FAM193A: variants seen among roughly 807,000 people sequenced by gnomAD.
FAM193A encodes the protein protein FAM193A.
A neutral mutation model predicts 126.5 loss-of-function variants in FAM193A; 22 were observed. The ratio of observed to expected loss-of-function variants is 0.17; its 90% CI spans 0.12 to 0.25. The LOEUF (loss-of-function observed/expected upper bound fraction) is 0.25, where lower values mean the gene tolerates loss of function less well. FAM193A is among the 10% of genes least tolerant of loss of function. FAM193A has a pLI of 1.00. For synonymous variants in FAM193A, 761 were observed against 646.8 expected, an observed-to-expected ratio of 1.18 and a Z score of -2.68; for missense variants, 1,675 against 1,672.8, an observed-to-expected ratio of 1.00 and a Z score of -0.02.
At chr4:2,616,998 G>T (rs1409887707) in intron 2 of FAM193A, among the ~76,000 whole-genome samples, 1 of 145,848 alleles carries the variant, frequency 6.9e-6, no homozygotes, top group Non-Finnish European at 1.5e-5. Flanking sequence ...AAGAAACCCC[G>T]TCTCTACTAA....
chr4:2,682,184 C>G (rs147771840), intron 13 of FAM193A, among the ~76,000 whole-genome samples: 3,950 of 151,980 alleles, frequency 0.026, 184 homozygotes, highest in African/African-American at 0.09. Flanking sequence ...CAGGGTTTCA[C>G]CATGTTAGCC....
intron 1 of FAM193A, among the ~76,000 whole-genome samples, chr4:2,572,328 CAA>C (rs374521496): frequency 8.8e-5 from 11 of 124,986 alleles, no homozygotes; most frequent in Non-Finnish European, 1.0e-4. Context: ...GACTTCATCT[CAA>C]AAAAAAAAAA....
At chr4:2,560,980 G>GATA (rs1738576705) in intron 1 of FAM193A, among the ~76,000 whole-genome samples, 1 of 152,066 alleles carries the variant, frequency 6.6e-6, no homozygotes, top group South Asian at 2.1e-4. Flanking sequence ...ACATGACTGT[G>GATA]ATATCCACCT....
intron 19 of FAM193A, among the ~76,000 whole-genome samples, chr4:2,711,780 A>T (rs1199849008): frequency 6.6e-6 from 1 of 151,998 alleles, no homozygotes; most frequent in Non-Finnish European, 1.5e-5. Context: ...TACAAAAATT[A>T]GCTGGACGTG....
chr4:2,720,002 C>A, intron 20 of FAM193A: 1 of 240,038 alleles, frequency 4.2e-6, no homozygotes, highest in Non-Finnish European at 8.9e-6. Flanking sequence ...GCCACATTGC[C>A]CAGGCTGGTC....
At position 2,537,932 on chromosome 4, in the gene FAM193A, C is replaced by T. The variant is rs949911535; in HGVS notation, c.255+762C>T. On this transcript the variant is annotated intron_variant, in intron 1 of 20. Transcript: ENST00000637812. Reference sequence around the variant, plus strand: ...ATGAAGACAGCTAGCACACATTGCACCTACCAATTATGGATTCCTGCCACT... The same window carrying T: ...ATGAAGACAGCTAGCACACATTGCATCTACCAATTATGGATTCCTGCCACT... Among the ~76,000 whole-genome samples the T allele has an allele frequency of 3.9e-5, 6 of 152,158 alleles. 1 individual carries two copies. The highest frequency in any genetic ancestry group is 2.0e-4 in the Admixed American group (3 of 15,264).
chr4:2,553,380 T>G (rs1560438287), intron 1 of FAM193A, among the ~76,000 whole-genome samples: 2 of 116,172 alleles, frequency 1.7e-5, no homozygotes, highest in African/African-American at 7.1e-5. Flanking sequence ...TCCCTTCTTT[T>G]TGTTTTTTTT....
intron 2 of FAM193A, chr4:2,608,152 A>G: frequency 6.3e-7 from 1 of 1,587,792 alleles, no homozygotes; most frequent in East Asian, 2.2e-5. Context: ...TGAAAATAAA[A>G]AAATAAAAAT....
At chr4:2,581,550 A>C (rs1196898240) in intron 1 of FAM193A, among the ~76,000 whole-genome samples, 1 of 149,982 alleles carries the variant, frequency 6.7e-6, no homozygotes, top group Non-Finnish European at 1.5e-5. Flanking sequence ...CACCATGCCC[A>C]GCTTCTGAAA....
intron 7 of FAM193A, among the ~76,000 whole-genome samples, chr4:2,649,314 G>A (rs1745441313): frequency 6.6e-6 from 1 of 150,396 alleles, no homozygotes; most frequent in African/African-American, 2.5e-5. Context: ...GTTAGAGGCT[G>A]CAGTGATCTA....
intron 1 of FAM193A, among the ~76,000 whole-genome samples, chr4:2,553,148 G>A (rs1010494561): frequency 6.6e-5 from 10 of 152,006 alleles, no homozygotes; most frequent in East Asian, 1.9e-4. Context: ...GTGCCTGGCC[G>A]AAGTTTCATT....
rs368718204 is a variant in FAM193A, at chr4:2,698,870, C to A, written c.3508-810C>A. ...GTCATTTGCTCTGTCACATCTGTCA[C>A]ACTAGTGAAAATATATGGCACTTCT... On this transcript the variant is annotated intron_variant, in intron 18 of 20. Coordinates refer to ENST00000637812, the MANE Select transcript of FAM193A (RefSeq NM_001366318.2). Among the ~76,000 whole-genome samples the A allele has an allele frequency of 4.3e-4, 65 of 152,310 alleles. No homozygotes were observed. In the Middle Eastern group the frequency reaches 0.02, roughly 48 times the overall value.
At chr4:2,694,905 G>A (rs1481305192) in intron 16 of FAM193A, 41 bp from the exon 17 acceptor site, 4 of 1,530,606 alleles carry the variant, frequency 2.6e-6, no homozygotes, top group South Asian at 2.5e-5. Context: ...ATTGCCTCCC[G>A]GGCCGGCCAC....
At chr4:2,698,936 T>C (rs577726151) in intron 18 of FAM193A, among the ~76,000 whole-genome samples, 4 of 152,340 alleles carry the variant, frequency 2.6e-5, no homozygotes, top group African/African-American at 9.6e-5. Context: ...TCTAGTTCTT[T>C]ACTACACATT....
intron 19 of FAM193A, among the ~76,000 whole-genome samples, chr4:2,710,129 A>T (rs1718747698): frequency 7.3e-6 from 1 of 136,460 alleles, no homozygotes; most frequent in African/African-American, 2.7e-5. Flanking sequence ...AAATCATCTG[A>T]GTTTATTATT....
intron 5 of FAM193A, 111 bp from the exon 6 acceptor site, chr4:2,639,624 T>C (rs1456542517): frequency 4.8e-5 from 30 of 628,802 alleles, no homozygotes; most frequent in Non-Finnish European, 2.5e-6. Flanking sequence ...TGAAGAGGGA[T>C]GTGTGCGTGG....
chr4:2,622,508 G>A (rs1742617832), intron 2 of FAM193A, among the ~76,000 whole-genome samples: 1 of 152,152 alleles, frequency 6.6e-6, no homozygotes, highest in African/African-American at 2.4e-5. Flanking sequence ...TGGTCCTAAT[G>A]GGTGGCCCAG....
At chr4:2,660,166 C>T in intron 10 of FAM193A, 112 bp downstream of exon 10, 2 of 1,190,382 alleles carry the variant, frequency 1.7e-6, no homozygotes, top group Non-Finnish European at 2.4e-6. Context: ...CTTTTCATGA[C>T]AAGGGACCCT....
intron 6 of FAM193A, among the ~76,000 whole-genome samples, 170 bp from the exon 7 acceptor site, chr4:2,646,515 G>A (rs1319281791): frequency 6.6e-6 from 1 of 152,116 alleles, no homozygotes; most frequent in Non-Finnish European, 1.5e-5. Flanking sequence ...CCTTGCATGG[G>A]GATCTGTTGA....
Sources: gnomAD v4.1 joint callset for allele counts (sites outside exome capture counted in the v4.1 genomes callset) on GRCh38, gnomAD v4.1.1 for gene constraint, MANE v1.5 for transcripts, NCBI Gene and HGNC (gene_info 2026-07-23, HGNC 2026-07-21) for gene names.